Variants in ARHGEF7 observed in about 807,000 individuals in gnomAD.
The protein encoded by ARHGEF7 is Rho guanine nucleotide exchange factor 7, also known as PAK-interacting exchange factor beta.
ARHGEF7 carries 33 observed loss-of-function variants against 109.8 expected under a neutral mutation model. The ratio of observed to expected loss-of-function variants is 0.30; its 90% CI spans 0.23 to 0.40. ARHGEF7 has a LOEUF of 0.40. Ranked by LOEUF, ARHGEF7 falls within the 10% of genes least tolerant of loss-of-function variation. The pLI is 1.00. For synonymous variants in ARHGEF7, 458 were observed against 424.6 expected (o/e 1.08, Z -0.97); for missense variants, 938 against 1,098.5 (o/e 0.85, Z 2.07).
chr13:111,284,299 G>A (rs550858263), intron 16 of ARHGEF7, among the ~76,000 whole-genome samples: 116 of 152,250 alleles, frequency 7.6e-4, no homozygotes, highest in African/African-American at 2.6e-3. Context: ...CATTCTTGCC[G>A]GCAGCCCTGG....
chr13:111,227,986 A>G (rs1159222102), intron 5 of ARHGEF7, among the ~76,000 whole-genome samples: 1 of 152,202 alleles, frequency 6.6e-6, no homozygotes, highest in Non-Finnish European at 1.5e-5. Context: ...CATTCCCCAA[A>G]TACTTACTTT....
intron 18 of ARHGEF7, among the ~76,000 whole-genome samples, chr13:111,291,500 C>T (rs979231859): frequency 1.3e-5 from 2 of 152,248 alleles, no homozygotes; most frequent in African/African-American, 4.8e-5. Flanking sequence ...GTGGGCCCTG[C>T]CCAATCCTTT....
chr13:111,286,380 G>C, intron 17 of ARHGEF7, 140 bp downstream of exon 17: 3 of 687,868 alleles, frequency 4.4e-6, no homozygotes, highest in Admixed American at 2.5e-5. Flanking sequence ...GCAGTGATAG[G>C]AATAAGCCAC....
At chr13:111,193,686 A>G (rs141969652) in intron 2 of ARHGEF7, among the ~76,000 whole-genome samples, 3,646 of 152,294 alleles carry the variant, frequency 0.024, 74 homozygotes, top group Middle Eastern at 0.11. Context: ...GAAGAGGCTT[A>G]CTTTCAAGTG....
At chr13:111,150,050 C>T (rs1239693387) in intron 1 of ARHGEF7, among the ~76,000 whole-genome samples, 1 of 152,130 alleles carries the variant, frequency 6.6e-6, no homozygotes, top group Non-Finnish European at 1.5e-5. Flanking sequence ...AAGAGCAGCA[C>T]ATTGTGATCT....
At chr13:111,181,777 T>C (rs2078757157) in intron 2 of ARHGEF7, among the ~76,000 whole-genome samples, 1 of 151,992 alleles carries the variant, frequency 6.6e-6, no homozygotes, top group Non-Finnish European at 1.5e-5. Context: ...TGTCATGGGG[T>C]TGGGACTCAG....
At chr13:111,132,130 A>G (rs1387802294) in intron 1 of ARHGEF7, among the ~76,000 whole-genome samples, 2 of 152,192 alleles carry the variant, frequency 1.3e-5, no homozygotes, top group African/African-American at 4.8e-5. Context: ...TTGATAAAGG[A>G]GGCTCTAGCA....
intron 2 of ARHGEF7, among the ~76,000 whole-genome samples, chr13:111,178,402 C>G (rs1658842869): frequency 6.6e-6 from 1 of 152,276 alleles, no homozygotes; most frequent in South Asian, 2.1e-4. Flanking sequence ...AGATTTTTGT[C>G]AGTTTACCTT....
intron 2 of ARHGEF7, among the ~76,000 whole-genome samples, chr13:111,163,797 A>G (rs2076925149): frequency 6.6e-6 from 1 of 152,154 alleles, no homozygotes; most frequent in Admixed American, 6.5e-5. Flanking sequence ...AGCCTCCCAG[A>G]GTGCTGGGAT....
chr13:111,124,986 C>T (rs1336794967), intron 1 of ARHGEF7, among the ~76,000 whole-genome samples: 1 of 152,188 alleles, frequency 6.6e-6, no homozygotes, highest in East Asian at 1.9e-4. Context: ...TCTCAAACTC[C>T]TAACCTCACG....
chr13:111,265,724 G>A (rs1396834345), intron 8 of ARHGEF7: 1 of 456,056 alleles, frequency 2.2e-6, no homozygotes, highest in East Asian at 6.9e-5. Context: ...GGCCTTGGAG[G>A]TGGGTAGGTT....
chr13:111,159,217 C>CT, intron 2 of ARHGEF7: 4 of 621,584 alleles, frequency 6.4e-6, no homozygotes, highest in Non-Finnish European at 8.7e-6. Flanking sequence ...ACAGGATTTC[C>CT]TTTTTTTAAA....
intron 8 of ARHGEF7, chr13:111,265,588 T>G (rs2096822030): frequency 2.2e-6 from 1 of 456,646 alleles, no homozygotes; most frequent in Non-Finnish European, 4.4e-6. Context: ...AGGTCCTGCC[T>G]GCAGGGTTGA....
chr13:111,182,600 G>A (rs1041585047), intron 2 of ARHGEF7: 4 of 152,292 alleles, frequency 2.6e-5, no homozygotes, highest in African/African-American at 9.7e-5. Context: ...AGCTTTGATG[G>A]AGTTGGCTGG....
At chr13:111,241,364 A>T in intron 6 of ARHGEF7, 1 of 1,535,444 alleles carries the variant, frequency 6.5e-7, no homozygotes, top group South Asian at 1.2e-5. Context: ...CTGCGCCCCG[A>T]GGTCAGGAAG....
intron 4 of ARHGEF7, among the ~76,000 whole-genome samples, chr13:111,216,989 C>T (rs2083231416): frequency 6.6e-6 from 1 of 152,172 alleles, no homozygotes; most frequent in Admixed American, 6.5e-5. Flanking sequence ...GTCAGTTTGG[C>T]AATATTGAGT....
chr13:111,197,693 T>C (rs939301637), intron 2 of ARHGEF7, among the ~76,000 whole-genome samples: 1 of 152,218 alleles, frequency 6.6e-6, no homozygotes, highest in African/African-American at 2.4e-5. Flanking sequence ...TAGCTTTTGT[T>C]AGGCCTGCTT....
At chr13:111,207,561 CT>C (rs2153472538) in intron 3 of ARHGEF7, among the ~76,000 whole-genome samples, 1 of 152,360 alleles carries the variant, frequency 6.6e-6, no homozygotes, top group African/African-American at 2.4e-5. Context: ...TAATTTGACT[CT>C]GCTCCCATTG....
chr13:111,242,231 A>G (rs368896675), intron 6 of ARHGEF7, among the ~76,000 whole-genome samples: 43 of 152,106 alleles, frequency 2.8e-4, no homozygotes, highest in African/African-American at 8.9e-4. Context: ...TTTTCGCCCA[A>G]GTAGTTTAGT....
Sources: gnomAD v4.1 joint callset for allele counts (sites outside exome capture counted in the v4.1 genomes callset) on GRCh38, gnomAD v4.1.1 for gene constraint, MANE v1.5 for transcripts, NCBI Gene and HGNC (gene_info 2026-07-23, HGNC 2026-07-21) for gene names.